The following COL2A1 variants were observed in gnomAD, a reference collection of about 807,000 sequenced individuals.
The protein encoded by COL2A1 is collagen type II alpha 1 chain.
COL2A1 carries 28 observed loss-of-function variants against 204.5 expected under a neutral mutation model. The ratio of observed to expected loss-of-function variants is 0.14; its 90% CI spans 0.10 to 0.19. COL2A1 has a LOEUF of 0.19. Among genes scored for constraint, COL2A1 ranks in the 10% least tolerant of loss-of-function variants. The pLI is 1.00. For missense variants in COL2A1, 1,388 were observed against 2,027.5 expected (o/e 0.68, Z 6.06); for synonymous variants, 708 against 718.7 (o/e 0.99, Z 0.24).
chr12:47,982,678 T>A (rs1385473746), intron 33 of COL2A1, 69 bp from the exon 34 acceptor site: 3 of 1,344,300 alleles, frequency 2.2e-6, no homozygotes, highest in Non-Finnish European at 3.2e-6. Flanking sequence ...TCATGGAGCC[T>A]GGGTAACCAG....
rs200549186 is a variant in COL2A1 at position 47,993,468 on chromosome 12, G to A, written c.959C>T (p.Pro320Leu). Residue 320 changes from proline to leucine, a missense_variant, in exon 15 of 54, where the codon CCG (proline) becomes CTG (leucine). Pro to Leu is a moderately conservative substitution (Grantham distance 98). Coordinates refer to ENST00000380518, the MANE Select transcript of COL2A1 (RefSeq NM_001844.5). ...GGTGTCCATACTTACCATTGGGCCC[G>A]GAGATCCGTTCTCACCCGGGGAACC... The part of the protein sequence containing the change: ...ESGSPGENGS[P>L]GPMGPRGLPG... The A allele has an allele frequency of 4.3e-5, 70 of 1,613,254 alleles. No homozygotes were observed. Among genetic ancestry groups the A allele is most frequent in the Admixed American group, 6.7e-5 (4 of 60,008 alleles).
Position 47,975,533 on chromosome 12 carries a change from C to T in COL2A1, c.3670G>A (p.Ala1224Thr). The T allele has an allele frequency of 6.2e-7, 1 of 1,607,808 alleles. No individual in the cohort carries two copies. The highest frequency in any genetic ancestry group is 8.5e-7 in the Non-Finnish European group (1 of 1,179,968). Residue 1224 changes from alanine (A) to threonine (T), a missense_variant, in exon 51 of 54, where the codon GCT (alanine) becomes ACT (threonine). Ala to Thr is a moderately conservative substitution (Grantham distance 58). This residue lies in a region of COL2A1 where 303 missense variants were observed against 369.2 expected (regional missense o/e 0.82). Coordinates refer to ENST00000380518, the MANE Select transcript of COL2A1 (RefSeq NM_001844.5). ...CCCTTCTCTCTCGGGCCTAAGCCAG[C>T]AAAGGCGGACATGTCGATGCCAGGG... ...PGPGIDMSAF[A>T]GLGPREKGPD...
rs1469664659 is a variant in COL2A1 at position 47,983,695 on chromosome 12, T to C, written c.1983A>G (p.Pro661=). 2.0e-5 allele frequency: 32 copies of C among 1,600,712 alleles called. No individual in the cohort carries two copies. The highest frequency in any genetic ancestry group is 2.0e-5 in the Non-Finnish European group (24 of 1,173,666). Residue 661 remains proline (P), a synonymous_variant, in exon 30 of 54, where the codon CCA becomes CCG. Transcript: ENST00000380518. ...GERGEQGAPG[P]SGFQGLPGPP... ...TCCAGCCACCTACCTGGAACCCAGA[T>C]GGCCCAGGAGCACCCTGCTCGCCTC...
chr12:47,992,985 G>T, intron 15 of COL2A1, 54 bp from the exon 16 acceptor site: 3 of 1,566,506 alleles, frequency 1.9e-6, no homozygotes, highest in African/African-American at 1.3e-5. Context: ...GGTGCTCAGG[G>T]TGACCATTTC....
intron 10 of COL2A1, 25 bp from the exon 11 acceptor site, chr12:47,995,333 A>C (rs41317895): frequency 6.2e-7 from 1 of 1,601,498 alleles, no homozygotes; most frequent in East Asian, 2.2e-5. Context: ...AGATAGTTTA[A>C]GAGATGGTTA....
At chr12:47,983,654 T>C in intron 30 of COL2A1, 29 bp downstream of exon 30, 3 of 1,586,760 alleles carry the variant, frequency 1.9e-6, no homozygotes, top group South Asian at 1.2e-5. Context: ...GGCAAAGGAC[T>C]GCACAGAGAG....
chr12:47,980,528 A>G lies in COL2A1; in HGVS notation c.2625+26T>C. The G allele has an allele frequency of 6.4e-7, 1 of 1,568,132 alleles. No homozygotes were observed. ...GCCAGGAGCCCTTCCTTGAGGGAACAATTCTTGGAGTGCAGCGTTACCCAC... is the reference window on the plus strand; with the variant it reads ...GCCAGGAGCCCTTCCTTGAGGGAACGATTCTTGGAGTGCAGCGTTACCCAC... On this transcript the variant is annotated intron_variant, in intron 39 of 53. Coordinates refer to ENST00000380518, the MANE Select transcript of COL2A1 (RefSeq NM_001844.5). This position sits in a 1 kb window ranked among gnomAD's most constrained non-coding sequence, Gnocchi z 4.5.
chr12:47,996,631 A>T lies in COL2A1; in HGVS notation c.532-6T>A, dbSNP rs1939976970. 1.2e-6 allele frequency: 2 copies of T among 1,614,124 alleles called. No homozygotes were observed. The highest frequency in any genetic ancestry group is 8.5e-7 in the Non-Finnish European group (1 of 1,179,960). Reference sequence around the variant, plus strand: ...GCCATCTGGGCAGCAAAGTTCTGCAAAGAAACCCAACAACGTTAGGAGGTT... The same window carrying T: ...GCCATCTGGGCAGCAAAGTTCTGCATAGAAACCCAACAACGTTAGGAGGTT... On this transcript the variant is annotated splice_polypyrimidine_tract_variant and splice_region_variant and intron_variant, in intron 7 of 53. Coordinates refer to ENST00000380518, the MANE Select transcript of COL2A1 (RefSeq NM_001844.5).
chr12:47,975,365 C>T lies in COL2A1; in HGVS notation c.3838G>A (p.Ala1280Thr). Residue 1280 changes from alanine (A) to threonine (T), a missense_variant, in exon 51 of 54, where the codon GCT becomes ACT. Physicochemically the swap from Ala to Thr is moderately conservative, Grantham distance 58. Around this residue, in one of 3 missense-constraint regions of COL2A1, gnomAD observed 303 missense variants for 369.2 expected, o/e 0.82. Transcript: ENST00000380518. ...AGTTTCAGGTCTCTGCAGGTGCGAG[C>T]AGGGTTCTTGCGGGAGCCCTCGGGG... is the stretch of plus-strand genomic sequence containing the variant. ...RSPEGSRKNP[A>T]RTCRDLKLCH... 2 of 1,614,210 alleles carry T rather than the reference C, an allele frequency of 1.2e-6. No homozygotes were observed. The highest frequency in any genetic ancestry group is 1.7e-6 in the Non-Finnish European group (2 of 1,180,048).
intron 22 of COL2A1, 105 bp from the exon 23 acceptor site, chr12:47,986,548 TG>T (rs34642877): frequency 6.3e-4 from 424 of 673,050 alleles, no homozygotes; most frequent in East Asian, 1.3e-3. Context: ...GTTTCAGGGC[TG>T]GGGGGGGGCT....
intron 35 of COL2A1, 65 bp from the exon 36 acceptor site, chr12:47,981,894 A>T: frequency 6.6e-7 from 1 of 1,505,658 alleles, no homozygotes; most frequent in South Asian, 1.2e-5. Context: ...GCGGCCCGGC[A>T]CCAAGCCAAC....
intron 1 of COL2A1, among the ~76,000 whole-genome samples, chr12:48,002,416 C>T (rs1397269174): frequency 6.6e-6 from 1 of 152,168 alleles, no homozygotes; most frequent in Non-Finnish European, 1.5e-5. Context: ...TTTGGGTCCG[C>T]TGACCCCAGG....
rs200223738 is a variant in COL2A1 at position 47,976,089 on chromosome 12, G to C, written c.3490-19C>G. The C allele has an allele frequency of 1.3e-6, 2 of 1,578,210 alleles. No homozygotes were observed. Among genetic ancestry groups the C allele is most frequent in the African/African-American group, 1.3e-5 (1 of 74,240 alleles). On this transcript the variant is annotated intron_variant, in intron 49 of 53. Coordinates refer to ENST00000380518, the MANE Select transcript of COL2A1 (RefSeq NM_001844.5). The surrounding 1 kb of genome is among the most constrained non-coding windows in gnomAD (Gnocchi z 4.3). ...GAGGACCCTGCAAGAGAGAGAGGTC[G>C]TGAGGAAAGAGTGGTCACCACAGGG...
At chr12:47,983,572 G>T in intron 30 of COL2A1, 111 bp downstream of exon 30, 1 of 1,434,882 alleles carries the variant, frequency 7.0e-7, no homozygotes, top group South Asian at 1.2e-5. Context: ...AAGGCTCGAT[G>T]CCTGGCACCC....
chr12:47,984,896 C>T, intron 27 of COL2A1, 99 bp downstream of exon 27: 1 of 1,034,170 alleles, frequency 9.7e-7, no homozygotes, highest in Non-Finnish European at 1.5e-6. Flanking sequence ...CATCACTGTC[C>T]CTGGTTAAAC....
Position 47,973,253 on chromosome 12 carries a change from G to T in COL2A1, c.*154C>A. The T allele has an allele frequency of 1.1e-6, 1 of 929,684 alleles. No homozygotes were observed. The highest frequency in any genetic ancestry group is 1.8e-6 in the Non-Finnish European group (1 of 561,714). The allele number at this position is 929,684 out of a possible 1,614,324, so 57.6% of individuals were successfully genotyped here. On this transcript the variant is annotated 3_prime_UTR_variant, in exon 54 of 54. Transcript: ENST00000380518. ...CTGCCCAGTTCAGGTCTCTTAGAAAGAGAGGGGAGAAAAGTCCGAACTGTG... is the reference window on the plus strand; with the variant it reads ...CTGCCCAGTTCAGGTCTCTTAGAAATAGAGGGGAGAAAAGTCCGAACTGTG...
Position 47,977,434 on chromosome 12 carries a change from G to A in COL2A1, c.3166-7C>T, listed in dbSNP as rs754798039. The A allele has an allele frequency of 2.5e-6, 4 of 1,609,788 alleles. No individual in the cohort carries two copies. Among genetic ancestry groups the A allele is most frequent in the African/African-American group, 1.3e-5 (1 of 74,840 alleles). On this transcript the variant is annotated splice_region_variant and splice_polypyrimidine_tract_variant and intron_variant, in intron 45 of 53. Transcript: ENST00000380518. ...CAGTCTCACCACGATCACCCTGTCA[G>A]GAGAGAGGTCTCAGGCTCAGAGAAG...
At position 47,997,904 on chromosome 12, in the gene COL2A1, T is replaced by C. The variant is rs992622399; in HGVS notation, c.396A>G (p.Gly132=). Residue 132 remains glycine (G), a synonymous_variant, in exon 6 of 54, where the codon GGA becomes GGG. Transcript: ENST00000380518. Reference sequence around the variant, plus strand: ...CTTTGTCACCACGATCCCCTCTGGGTCCTTGTTCCCCTGCAGGTCCCTGAA... The same window carrying C: ...CTTTGTCACCACGATCCCCTCTGGGCCCTTGTTCCCCTGCAGGTCCCTGAA... ...PGPQGPAGEQ[G]PRGDRGDKGE... The C allele has an allele frequency of 1.9e-6, 3 of 1,614,010 alleles. No individual in the cohort carries two copies. In the Admixed American group the frequency reaches 5.0e-5, roughly 27 times the overall value.
rs1197381768 is a variant in COL2A1, at chr12:47,975,397, A to G, written c.3806T>C (p.Ile1269Thr). 5.6e-6 allele frequency: 9 copies of G among 1,614,022 alleles called. No individual in the cohort carries two copies. Among genetic ancestry groups the G allele is most frequent in the Non-Finnish European group, 6.8e-6 (8 of 1,180,022 alleles). The change falls in exon 51 of 54, where the codon ATC (isoleucine) becomes ACC (threonine). Residue 1269 changes from isoleucine (I) to threonine (T), a missense_variant. Ile to Thr is a moderately conservative substitution (Grantham distance 89). Coordinates refer to ENST00000380518, the MANE Select transcript of COL2A1 (RefSeq NM_001844.5). ...CTTGCGGGAGCCCTCGGGGCTGCGG[A>G]TGCTCTCAATCTGGTTGTTGAGGGA... is the stretch of plus-strand genomic sequence containing the variant. ...LKSLNNQIES[I>T]RSPEGSRKNP...
Sources: allele counts gnomAD v4.1 joint callset (sites outside exome capture counted in the v4.1 genomes callset), GRCh38; gene constraint gnomAD v4.1.1; regional missense constraint gnomAD v4.1.1; non-coding constraint Gnocchi (gnomAD v3.1); transcripts MANE v1.5; gene names NCBI Gene and HGNC (gene_info 2026-07-23, HGNC 2026-07-21).